CADPS: variants seen among roughly 807,000 people sequenced by gnomAD.
The protein encoded by CADPS is calcium dependent secretion activator.
A neutral mutation model predicts 167.3 loss-of-function variants in CADPS; 57 were observed. That is an observed-to-expected ratio of 0.34 (90% CI 0.28 to 0.42). The LOEUF (loss-of-function observed/expected upper bound fraction) is 0.42. Ranked by LOEUF, CADPS falls within the 20% of genes least tolerant of loss-of-function variation. The pLI, the probability that CADPS is intolerant of heterozygous loss-of-function variation, is 1.00. For missense variants in CADPS, 1,414 were observed against 1,738.1 expected, an observed-to-expected ratio of 0.81 and a Z score of 3.32; for synonymous variants, 676 against 635.3, an observed-to-expected ratio of 1.06 and a Z score of -0.96.
chr3:62,571,942 T>C lies in CADPS; in HGVS notation c.1578-1004A>G, dbSNP rs146455067. Among the ~76,000 whole-genome samples the C allele has an allele frequency of 8.5e-5, 13 of 152,286 alleles. 1 individual carries two copies. In the East Asian group the frequency reaches 2.5e-3, roughly 29 times the overall value. ...GTTACATATTGAACTGGCACCGATCTAGGAATCCAGGCCTGGCATTTTTCA... is the reference window on the plus strand; with the variant it reads ...GTTACATATTGAACTGGCACCGATCCAGGAATCCAGGCCTGGCATTTTTCA... On this transcript the variant is annotated intron_variant, in intron 8 of 29. Coordinates refer to ENST00000383710, the MANE Select transcript of CADPS (RefSeq NM_003716.4).
chr3:62,869,145 T>C (rs1487097104), intron 1 of CADPS, among the ~76,000 whole-genome samples: 1 of 152,192 alleles, frequency 6.6e-6, no homozygotes, highest in Non-Finnish European at 1.5e-5. Flanking sequence ...TTGAGCATCA[T>C]GTCATGATCA....
Position 62,804,093 on chromosome 3 carries a change from C to G in CADPS, c.442-38109G>C, listed in dbSNP as rs368102632. 3.9e-5 allele frequency among the ~76,000 whole-genome samples: 6 copies of G among 152,236 alleles called. No homozygotes were observed. The East Asian group carries it at 1.2e-3, about 30-fold the overall frequency. On this transcript the variant is annotated intron_variant, in intron 1 of 29. Coordinates refer to ENST00000383710, the MANE Select transcript of CADPS (RefSeq NM_003716.4). ...CCTGCTCCTTGAACAGCCCTGGTCA[C>G]AATCAGGACGTATTAATTTGCTTGC...
intron 18 of CADPS, among the ~76,000 whole-genome samples, chr3:62,498,955 C>T (rs2065253033): frequency 6.6e-6 from 1 of 152,148 alleles, no homozygotes; most frequent in African/African-American, 2.4e-5. Flanking sequence ...AAAACTTAGG[C>T]CGAAACATAC....
intron 3 of CADPS, among the ~76,000 whole-genome samples, chr3:62,733,995 C>T (rs2078471282): frequency 1.3e-5 from 2 of 152,154 alleles, no homozygotes; most frequent in South Asian, 4.1e-4. Context: ...GAGTAGTATT[C>T]CATGGTGTAT....
At chr3:62,550,751 G>C in intron 10 of CADPS, 1 of 455,274 alleles carries the variant, frequency 2.2e-6, no homozygotes, top group Non-Finnish European at 4.4e-6. Context: ...AACTTGTCCA[G>C]GTTTCAGTGG....
chr3:62,858,962 A>G (rs2080228960), intron 1 of CADPS, among the ~76,000 whole-genome samples: 1 of 152,214 alleles, frequency 6.6e-6, no homozygotes, highest in South Asian at 2.1e-4. Flanking sequence ...TTCTGAAACC[A>G]TAGCTCAATG....
At chr3:62,431,183 A>C (rs1445927628) in intron 28 of CADPS, among the ~76,000 whole-genome samples, 1 of 152,104 alleles carries the variant, frequency 6.6e-6, no homozygotes, top group African/African-American at 2.4e-5. Context: ...TTAACAAAGG[A>C]CCCTTCCCAA....
intron 26 of CADPS, among the ~76,000 whole-genome samples, chr3:62,460,870 T>C (rs953282430): frequency 6.6e-6 from 1 of 152,184 alleles, no homozygotes; most frequent in African/African-American, 2.4e-5. Context: ...AAGATAGGCT[T>C]TATTCTTCCT....
intron 1 of CADPS, among the ~76,000 whole-genome samples, chr3:62,816,318 G>A (rs557358849): frequency 6.6e-6 from 1 of 152,144 alleles, no homozygotes; most frequent in South Asian, 2.1e-4. Context: ...CTACTTGTGG[G>A]CTTAGAGGTT....
chr3:62,615,704 A>G (rs372818818), intron 6 of CADPS, among the ~76,000 whole-genome samples: 3 of 152,248 alleles, frequency 2.0e-5, no homozygotes, highest in East Asian at 1.9e-4. Context: ...AAGGTCAACC[A>G]CACCCCCAAT....
chr3:62,469,939 A>T (rs2060392786), intron 24 of CADPS, among the ~76,000 whole-genome samples: 1 of 152,180 alleles, frequency 6.6e-6, no homozygotes, highest in South Asian at 2.1e-4. Flanking sequence ...CAAATTCACA[A>T]TTACTGTGTG....
intron 24 of CADPS, among the ~76,000 whole-genome samples, chr3:62,473,030 T>G (rs183450956): frequency 1.3e-3 from 205 of 152,308 alleles, no homozygotes; most frequent in Non-Finnish European, 2.4e-3. Context: ...GACTCAATGA[T>G]CTGGGTGTTC....
chr3:62,518,291 G>T, intron 13 of CADPS, 41 bp from the exon 14 acceptor site: 1 of 1,392,702 alleles, frequency 7.2e-7, no homozygotes, highest in Non-Finnish European at 1.0e-6. Context: ...AACCTCATAT[G>T]CTGACACCAT....
At chr3:62,595,431 T>C (rs1408319993) in intron 6 of CADPS, among the ~76,000 whole-genome samples, 2 of 152,122 alleles carry the variant, frequency 1.3e-5, no homozygotes, top group African/African-American at 4.8e-5. Context: ...GCTTAGTCAC[T>C]TGCAAACTAT....
chr3:62,542,297 T>G (rs553971821), intron 11 of CADPS, among the ~76,000 whole-genome samples: 2 of 152,262 alleles, frequency 1.3e-5, no homozygotes, highest in East Asian at 3.9e-4. Context: ...AAACTGCAAA[T>G]TAAAAGGTGA....
At chr3:62,510,238 CTAAT>C (rs2067530596) in intron 17 of CADPS, among the ~76,000 whole-genome samples, 2 of 152,058 alleles carry the variant, frequency 1.3e-5, no homozygotes, top group Admixed American at 1.3e-4. Flanking sequence ...GCCTGCCTAC[CTAAT>C]TATTTCTGTC....
chr3:62,844,128 C>T (rs968896134), intron 1 of CADPS, among the ~76,000 whole-genome samples: 2 of 152,122 alleles, frequency 1.3e-5, no homozygotes, highest in African/African-American at 4.8e-5. Context: ...CCACCAATGT[C>T]TAGGAAAGGA....
intron 11 of CADPS, among the ~76,000 whole-genome samples, chr3:62,540,679 A>C (rs1372544196): frequency 6.6e-6 from 1 of 152,172 alleles, no homozygotes. Context: ...TATGTTGTCT[A>C]TTTTAAAATA....
intron 4 of CADPS, among the ~76,000 whole-genome samples, 189 bp downstream of exon 4, chr3:62,662,125 A>G (rs1423386802): frequency 6.6e-6 from 1 of 152,100 alleles, no homozygotes; most frequent in Admixed American, 6.5e-5. Context: ...GAGCATAGGA[A>G]ATGCATGAGG....
Sources: gnomAD v4.1 joint callset for allele counts (sites outside exome capture counted in the v4.1 genomes callset) on GRCh38, gnomAD v4.1.1 for gene constraint, MANE v1.5 for transcripts, NCBI Gene and HGNC (gene_info 2026-07-23, HGNC 2026-07-21) for gene names.